NYAP2: variants seen among roughly 807,000 people sequenced by gnomAD.
NYAP2 encodes the protein neuronal tyrosine-phosphorylated phosphoinositide-3-kinase adapter 2.
A neutral mutation model predicts 50.4 loss-of-function variants in NYAP2; 23 were observed. The ratio of observed to expected loss-of-function variants is 0.46; its 90% CI spans 0.33 to 0.65. NYAP2 has a LOEUF of 0.65. Among genes scored for constraint, NYAP2 ranks in the 30% least tolerant of loss-of-function variants. The pLI, the probability that NYAP2 is intolerant of heterozygous loss-of-function variation, is 0.02. For synonymous variants in NYAP2, 394 were observed against 365.2 expected, an observed-to-expected ratio of 1.08 and a Z score of -0.90; for missense variants, 885 against 861.0, an observed-to-expected ratio of 1.03 and a Z score of -0.35.
chr2:225,508,959 C>G (rs1690761390), intron 3 of NYAP2, among the ~76,000 whole-genome samples: 1 of 152,196 alleles, frequency 6.6e-6, no homozygotes, highest in Non-Finnish European at 1.5e-5. Flanking sequence ...CTCCTGCAGG[C>G]TTTGGGAACA....
At chr2:225,500,633 A>G (rs1044814856) in intron 3 of NYAP2, among the ~76,000 whole-genome samples, 1 of 152,222 alleles carries the variant, frequency 6.6e-6, no homozygotes, top group Admixed American at 6.5e-5. Flanking sequence ...ATCTTAAGAC[A>G]CTATTATCAG....
intron 3 of NYAP2, among the ~76,000 whole-genome samples, chr2:225,512,314 C>T (rs559721941): frequency 2.6e-5 from 4 of 152,260 alleles, no homozygotes; most frequent in East Asian, 3.9e-4. Context: ...CAGGATCAAA[C>T]GATATTTAAG....
chr2:225,583,860 GA>G (rs1340063459), intron 5 of NYAP2, among the ~76,000 whole-genome samples: 1 of 152,158 alleles, frequency 6.6e-6, no homozygotes, highest in Non-Finnish European at 1.5e-5. Flanking sequence ...TTAACACTGT[GA>G]AACCCCATCT....
intron 3 of NYAP2, among the ~76,000 whole-genome samples, chr2:225,431,483 T>G (rs1055364931): frequency 6.6e-6 from 1 of 152,238 alleles, no homozygotes; most frequent in Non-Finnish European, 1.5e-5. Context: ...TAATTAATGA[T>G]TCTTGTGATT....
chr2:225,452,881 T>A (rs1453398515), intron 3 of NYAP2, among the ~76,000 whole-genome samples: 1 of 152,164 alleles, frequency 6.6e-6, no homozygotes, highest in African/African-American at 2.4e-5. Context: ...TTTGGCTTTA[T>A]CCTTGGCCTC....
intron 5 of NYAP2, among the ~76,000 whole-genome samples, chr2:225,614,192 T>A (rs1057076966): frequency 6.6e-6 from 1 of 152,214 alleles, no homozygotes; most frequent in African/African-American, 2.4e-5. Context: ...GTTTTTGTAT[T>A]TCTGGGAAAA....
At chr2:225,423,219 T>C (rs909249773) in intron 3 of NYAP2, among the ~76,000 whole-genome samples, 1 of 152,118 alleles carries the variant, frequency 6.6e-6, no homozygotes, top group Admixed American at 6.6e-5. Context: ...ATTAGGATGG[T>C]ATTGGGTTTT....
the NYAP2 span, among the ~76,000 whole-genome samples, chr2:225,675,256 G>A: frequency 6.6e-6 from 1 of 152,044 alleles, no homozygotes; most frequent in Non-Finnish European, 1.5e-5. Flanking sequence ...AGTAAGCATA[G>A]TACCCAATGG....
At chr2:225,478,928 A>G (rs1171932155) in intron 3 of NYAP2, among the ~76,000 whole-genome samples, 1 of 152,368 alleles carries the variant, frequency 6.6e-6, no homozygotes, top group East Asian at 1.9e-4. Context: ...TGGACCAAAC[A>G]CAAAAGTCAA....
intron 5 of NYAP2, among the ~76,000 whole-genome samples, chr2:225,618,332 A>G (rs1247995828): frequency 6.6e-6 from 1 of 152,198 alleles, no homozygotes; most frequent in Non-Finnish European, 1.5e-5. Flanking sequence ...TCCTCATGTC[A>G]CCTAGTAGTC....
chr2:225,642,724 T>C (rs1693554447), intron 6 of NYAP2, among the ~76,000 whole-genome samples: 1 of 152,188 alleles, frequency 6.6e-6, no homozygotes, highest in Non-Finnish European at 1.5e-5. Flanking sequence ...CAGCTCTTAC[T>C]ACAGAACCAT....
downstream of NYAP2, among the ~76,000 whole-genome samples, chr2:225,655,227 G>C (rs971670169): frequency 2.6e-5 from 4 of 152,284 alleles, no homozygotes; most frequent in Non-Finnish European, 5.9e-5. Flanking sequence ...CTGGAAAAAA[G>C]TATGAGTTCT....
At chr2:225,655,911 CACACACACACACACACAT>C (rs1321552183), downstream of NYAP2, among the ~76,000 whole-genome samples, 10 of 146,736 alleles carry the variant, frequency 6.8e-5, no homozygotes, top group East Asian at 8.4e-4. Context: ...CACACACACA[CACACACACACACACACAT>C]ACACACATAC....
At chr2:225,693,234 C>T in the NYAP2 span, among the ~76,000 whole-genome samples, 2 of 152,026 alleles carry the variant, frequency 1.3e-5, no homozygotes, top group Non-Finnish European at 2.9e-5. Flanking sequence ...GTGACAGTTT[C>T]TCAGACTTTC....
At chr2:225,587,432 C>T (rs1053696091) in intron 5 of NYAP2, among the ~76,000 whole-genome samples, 2 of 152,206 alleles carry the variant, frequency 1.3e-5, no homozygotes, top group Middle Eastern at 3.4e-3. Flanking sequence ...ATACAAAAGA[C>T]ATGCACGCCC....
chr2:225,602,383 T>A (rs1301256518), intron 5 of NYAP2, among the ~76,000 whole-genome samples: 1 of 152,120 alleles, frequency 6.6e-6, no homozygotes, highest in African/African-American at 2.4e-5. Context: ...TGGGATTTGT[T>A]TATCTGGGTT....
chr2:225,601,064 C>T (rs149881878), intron 5 of NYAP2, among the ~76,000 whole-genome samples: 1 of 150,742 alleles, frequency 6.6e-6, no homozygotes, highest in African/African-American at 2.4e-5. Context: ...ACTTTCTATT[C>T]TTTAGAAATA....
chr2:225,603,068 G>A (rs548746411), intron 5 of NYAP2, among the ~76,000 whole-genome samples: 1 of 152,212 alleles, frequency 6.6e-6, no homozygotes, highest in South Asian at 2.1e-4. Flanking sequence ...AAAAATATTA[G>A]GCTGAGGCGT....
At chr2:225,510,591 A>G (rs1358747092) in intron 3 of NYAP2, among the ~76,000 whole-genome samples, 3 of 152,098 alleles carry the variant, frequency 2.0e-5, no homozygotes, top group African/African-American at 7.2e-5. Flanking sequence ...GGTCTCTTGA[A>G]CCTAGATGTG....
Sources: allele counts gnomAD v4.1 joint callset (sites outside exome capture counted in the v4.1 genomes callset), GRCh38; gene constraint gnomAD v4.1.1; transcripts MANE v1.5; gene names NCBI Gene and HGNC (gene_info 2026-07-23, HGNC 2026-07-21).